The following ST3GAL5 variants were observed in gnomAD, a reference collection of about 807,000 sequenced individuals.
ST3GAL5 encodes the protein lactosylceramide alpha-2,3-sialyltransferase.
ST3GAL5 carries 25 observed loss-of-function variants against 46.1 expected under a neutral mutation model. That is an observed-to-expected ratio of 0.54 (90% CI 0.40 to 0.76). ST3GAL5 has a LOEUF of 0.76. Among genes scored for constraint, ST3GAL5 ranks in the 30% least tolerant of loss-of-function variants. ST3GAL5 has a pLI of 0.00. For synonymous variants in ST3GAL5, 182 were observed against 192.7 expected (o/e 0.94, Z 0.46); for missense variants, 431 against 521.2 (o/e 0.83, Z 1.69).
Position 85,840,409 on chromosome 2 carries a change from A to G in ST3GAL5, c.1009-17T>C. The G allele has an allele frequency of 6.2e-7, 1 of 1,613,872 alleles. No homozygotes were observed. Among genetic ancestry groups the G allele is most frequent in the Non-Finnish European group, 8.5e-7 (1 of 1,179,864 alleles). On this transcript the variant is annotated splice_polypyrimidine_tract_variant and intron_variant, in intron 6 of 6. Coordinates refer to ENST00000638572, the MANE Select transcript of ST3GAL5 (RefSeq NM_003896.4). ...GGGGACGTTCTGAGAAAGGGAAAAG[A>G]AGACCAAAAAGTAAAAAAAAATTTT...
rs1268104797 is a variant in ST3GAL5 at position 85,846,662 on chromosome 2, A to G, written c.663-99T>C. ...CATGTCATGTCCTCCACGTCTTCTT[A>G]TGACTAAGAATGAGTGCATGGTTTG... On this transcript the variant is annotated intron_variant, in intron 4 of 6. Transcript: ENST00000638572. 6.9e-6 allele frequency: 8 copies of G among 1,155,154 alleles called. 1 individual carries two copies. In the Admixed American group the frequency reaches 1.4e-4, roughly 21 times the overall value. The allele number at this position is 1,155,154 out of a possible 1,614,324, so 71.6% of individuals were successfully genotyped here.
At chr2:85,854,433 G>C (rs756942066) in intron 3 of ST3GAL5, 1 of 152,260 alleles carries the variant, frequency 6.6e-6, no homozygotes, top group Non-Finnish European at 1.5e-5. Context: ...CATGAGCTTA[G>C]GTCTAAAAAT....
rs566062635 is a variant in ST3GAL5 at position 85,888,531 on chromosome 2, G to T, written c.82+293C>A. ...AATGAATTAAATCCCGAGCTGCAGC[G>T]GAAAGCGGCGGGGAAAGGGCCACTG... On this transcript the variant is annotated intron_variant, in intron 1 of 6. Coordinates refer to ENST00000638572, the MANE Select transcript of ST3GAL5 (RefSeq NM_003896.4). The T allele has an allele frequency of 2.0e-3, 457 of 232,520 alleles. 4 individuals carry two copies. Among genetic ancestry groups the T allele is most frequent in the African/African-American group, 9.3e-3 (408 of 43,746 alleles). 14.4% of individuals were successfully genotyped at this position (232,520 alleles called of 1,614,324 possible). A position where few individuals can be genotyped will look rare whatever the true frequency, so the allele number is the denominator to read the frequency against.
At position 85,861,189 on chromosome 2, in the gene ST3GAL5, G is replaced by A; in HGVS notation, c.310C>T (p.His104Tyr). The change falls in exon 3 of 7, where the codon CAT (histidine) becomes TAT (tyrosine). Residue 104 changes from histidine (H) to tyrosine (Y), a missense_variant. His to Tyr is a moderately conservative substitution (Grantham distance 83, BLOSUM62 2). Coordinates refer to ENST00000638572, the MANE Select transcript of ST3GAL5 (RefSeq NM_003896.4). Reference protein sequence around the residue: ...MKKMHYVDPDHVKRAQKYAQQ... With the variant: ...MKKMHYVDPDYVKRAQKYAQQ... ...CCAATGGGATATCTAACCTTTACAT[G>A]GTCAGGGTCCACATAATGCATTTTT... The A allele has an allele frequency of 2.5e-6, 4 of 1,599,246 alleles. No individual in the cohort carries two copies. In the South Asian group the frequency reaches 3.3e-5, roughly 13 times the overall value.
chr2:85,876,462 CTTTTTTTTTTTT>C (rs59265377), intron 1 of ST3GAL5, among the ~76,000 whole-genome samples: 1 of 111,250 alleles, frequency 9.0e-6, no homozygotes, highest in South Asian at 3.1e-4. Context: ...TTTCTTTTTC[CTTTTTTTTTTTT>C]TTTTTTTGAG....
chr2:85,839,894 T>C lies in ST3GAL5; in HGVS notation c.*250A>G. The C allele has an allele frequency of 1.8e-6, 1 of 546,812 alleles. No individual in the cohort carries two copies. The highest frequency in any genetic ancestry group is 3.3e-6 in the Non-Finnish European group (1 of 306,402). 33.9% of individuals were successfully genotyped at this position (546,812 alleles called of 1,614,324 possible). A position where few individuals can be genotyped will look rare whatever the true frequency, so the allele number is the denominator to read the frequency against. On this transcript the variant is annotated 3_prime_UTR_variant, in exon 7 of 7. Transcript: ENST00000638572. The stretch of plus-strand genomic sequence containing the variant: ...AATACAACATCGTTACATACAATTC[T>C]CTTTGAGAAGTCTTTCCAATTCAAT...
chr2:85,846,538 A>G lies in ST3GAL5; in HGVS notation c.688T>C (p.Tyr230His), dbSNP rs1682814890. The stretch of plus-strand genomic sequence containing the variant: ...GTTTTATTTCCAACATGTTCTGAAT[A>G]TCCCTCAACTGGTGCACTGTTTAAC... Reference protein sequence around the residue: ...IRLNSAPVEGYSEHVGNKTTI... With the variant: ...IRLNSAPVEGHSEHVGNKTTI... Residue 230 changes from tyrosine (Y) to histidine (H), a missense_variant, in exon 5 of 7, where the codon TAT (tyrosine) becomes CAT (histidine). By Grantham distance (83) the Tyr-to-His change is moderately conservative. Transcript: ENST00000638572. The G allele has an allele frequency of 6.2e-7, 1 of 1,614,066 alleles. No homozygotes were observed. Among genetic ancestry groups the G allele is most frequent in the South Asian group, 1.1e-5 (1 of 91,090 alleles).
intron 1 of ST3GAL5, among the ~76,000 whole-genome samples, chr2:85,883,020 CT>C (rs1438279269): frequency 6.6e-6 from 1 of 152,042 alleles, no homozygotes; most frequent in Non-Finnish European, 1.5e-5. Flanking sequence ...TCAGATGAGA[CT>C]TTGGTCGGTG....
In ST3GAL5 at chr2:85,848,119, TGCTCAAATAACAGC is replaced by T; in HGVS notation, c.390_403del (p.Leu131GlnfsTer3). 1 of 1,614,212 alleles carries T rather than the reference TGCTCAAATAACAGC, an allele frequency of 6.2e-7. No individual in the cohort carries two copies. Among genetic ancestry groups the T allele is most frequent in the Non-Finnish European group, 8.5e-7 (1 of 1,180,032 alleles). ...AGGGAGTAAGTCCACGCTATACCTGTGCTCAAATAACAGCGCCATTGATGTCTTGGCAAACTTGG... is the reference window on the plus strand; with the variant it reads ...AGGGAGTAAGTCCACGCTATACCTGTGCCATTGATGTCTTGGCAAACTTGG... On this transcript the variant is annotated frameshift_variant, in exon 4 of 7. Transcript: ENST00000638572. LOFTEE classifies it high-confidence loss of function.
intron 2 of ST3GAL5, among the ~76,000 whole-genome samples, chr2:85,861,645 TAAAAAAAAA>T (rs3046643): frequency 8.1e-6 from 1 of 123,802 alleles, no homozygotes; most frequent in Non-Finnish European, 1.6e-5. Context: ...TGTCAGTCCT[TAAAAAAAAA>T]AAAAAAAAAG....
rs569661345 is a variant in ST3GAL5 at position 85,862,991 on chromosome 2, C to A, written c.206+371G>T. 2.0e-5 allele frequency among the ~76,000 whole-genome samples: 3 copies of A among 152,242 alleles called. No individual in the cohort carries two copies. In the East Asian group the frequency reaches 5.8e-4, roughly 29 times the overall value. On this transcript the variant is annotated intron_variant, in intron 2 of 6. Coordinates refer to ENST00000638572, the MANE Select transcript of ST3GAL5 (RefSeq NM_003896.4). ...TTCGATATTTAACAGTATTCAAGGGCCTTCAGGGAAATTTAATTAACCATA... is the reference window on the plus strand; with the variant it reads ...TTCGATATTTAACAGTATTCAAGGGACTTCAGGGAAATTTAATTAACCATA...
intron 3 of ST3GAL5, chr2:85,860,825 CCT>C: frequency 3.3e-6 from 1 of 302,558 alleles, no homozygotes; most frequent in East Asian, 8.7e-5. Context: ...AGAGCGAGAC[CCT>C]GACTCAAAAA....
rs114888789 is a variant in ST3GAL5 at position 85,839,626 on chromosome 2, A to G, written c.*518T>C. 3.1e-3 allele frequency: 590 copies of G among 190,794 alleles called. 1 individual carries two copies. Among genetic ancestry groups the G allele is most frequent in the African/African-American group, 0.013 (539 of 42,186 alleles). 11.8% of individuals were successfully genotyped at this position (190,794 alleles called of 1,614,324 possible). A position where few individuals can be genotyped will look rare whatever the true frequency, so the allele number is the denominator to read the frequency against. ...ACAGAGAAGGGTTGTGACCTTCTCCAACCAGCCCAGGCCTCACGCCGCTGC... is the reference window on the plus strand; with the variant it reads ...ACAGAGAAGGGTTGTGACCTTCTCCGACCAGCCCAGGCCTCACGCCGCTGC... On this transcript the variant is annotated 3_prime_UTR_variant, in exon 7 of 7. Coordinates refer to ENST00000638572, the MANE Select transcript of ST3GAL5 (RefSeq NM_003896.4).
intron 3 of ST3GAL5, chr2:85,851,377 T>G: frequency 8.5e-7 from 1 of 1,180,454 alleles, no homozygotes; most frequent in South Asian, 1.6e-5. Flanking sequence ...CTTGTCCTCT[T>G]TTGTTTCAAC....
chr2:85,860,525 G>C (rs182289641), intron 3 of ST3GAL5, among the ~76,000 whole-genome samples: 21 of 152,244 alleles, frequency 1.4e-4, no homozygotes, highest in Admixed American at 1.2e-3. Flanking sequence ...ATCTTGCAAT[G>C]CAATGTGAAT....
chr2:85,870,505 AG>A (rs889314847), intron 1 of ST3GAL5, among the ~76,000 whole-genome samples: 1 of 152,186 alleles, frequency 6.6e-6, no homozygotes, highest in African/African-American at 2.4e-5. Context: ...TCAGGCTGCC[AG>A]GAACAGCCTC....
intron 3 of ST3GAL5, 72 bp from the exon 4 acceptor site, chr2:85,848,276 A>C (rs879370398): frequency 9.6e-5 from 154 of 1,612,316 alleles, no homozygotes; most frequent in Middle Eastern, 1.6e-4. Context: ...CTAGATGACA[A>C]TTTGTCCTAT....
At chr2:85,848,412 A>G (rs924657714) in intron 3 of ST3GAL5, 4 of 1,528,928 alleles carry the variant, frequency 2.6e-6, no homozygotes, top group African/African-American at 1.4e-5. Context: ...GGAGATAAAC[A>G]CAGCAGGGTA....
intron 5 of ST3GAL5, chr2:85,846,155 C>G (rs1573588541): frequency 3.8e-6 from 2 of 523,120 alleles, no homozygotes; most frequent in Non-Finnish European, 6.9e-6. Flanking sequence ...AAGACTGCAC[C>G]ACTGCACTCC....
Sources: gnomAD v4.1 joint callset for allele counts (sites outside exome capture counted in the v4.1 genomes callset) on GRCh38, gnomAD v4.1.1 for gene constraint, MANE v1.5 for transcripts, NCBI Gene and HGNC (gene_info 2026-07-23, HGNC 2026-07-21) for gene names.